DMXL2: variants seen among roughly 807,000 people sequenced by gnomAD.
The protein encoded by DMXL2 is Dmx like 2.
In DMXL2, 103 loss-of-function variants were observed where a neutral mutation model predicts 331.1. That is an observed-to-expected ratio of 0.31 (90% confidence interval 0.27 to 0.37). DMXL2 has a LOEUF of 0.37. Among genes scored for constraint, DMXL2 ranks in the 10% least tolerant of loss-of-function variants. DMXL2 has a pLI of 1.00. For missense variants in DMXL2, 3,171 were observed against 3,642.9 expected (o/e 0.87, Z 3.33); for synonymous variants, 1,281 against 1,252.1 (o/e 1.02, Z -0.49).
At chr15:51,585,021 A>T (rs1168865280) in intron 1 of DMXL2, among the ~76,000 whole-genome samples, 1 of 3,446 alleles carries the variant, frequency 2.9e-4, no homozygotes, top group African/African-American at 1.3e-3. Flanking sequence ...GCTTAAGGAG[A>T]TTTTGGGCTG....
chr15:51,517,274 G>T, intron 13 of DMXL2, 107 bp from the exon 14 acceptor site: 1 of 749,916 alleles, frequency 1.3e-6, no homozygotes, highest in Non-Finnish European at 2.3e-6. Context: ...TTCACTGATT[G>T]GCAATGGAAT....
chr15:51,453,475 T>C lies in DMXL2; in HGVS notation c.8696+75A>G, dbSNP rs1443182320. The C allele has an allele frequency of 6.2e-6, 7 of 1,122,290 alleles. No individual in the cohort carries two copies. The Admixed American group carries it at 8.0e-5, about 13-fold the overall frequency. The allele number at this position is 1,122,290 out of a possible 1,614,324, so 69.5% of individuals were successfully genotyped here. A position where few individuals can be genotyped will look rare whatever the true frequency, so the allele number is the denominator to read the frequency against. On this transcript the variant is annotated intron_variant, in intron 41 of 43. Transcript: ENST00000560891. ...GCCTAGAGTGGAAAAACCCTACTAATAGAAAAGTATTCTTGCTAAAGGTAT... is the reference window on the plus strand; with the variant it reads ...GCCTAGAGTGGAAAAACCCTACTAACAGAAAAGTATTCTTGCTAAAGGTAT...
chr15:51,619,445 T>C (rs2054494160), intron 1 of DMXL2, among the ~76,000 whole-genome samples: 2 of 152,220 alleles, frequency 1.3e-5, no homozygotes, highest in Non-Finnish European at 1.5e-5. Flanking sequence ...ATAGCTTACG[T>C]GATACCACTA....
rs752831736 is a variant in DMXL2 at position 51,464,758 on chromosome 15, T to A, written c.7725A>T (p.Thr2575=). ...FEGPPPNYIN[T]YPTDLSVGAG... Reference sequence around the variant, plus strand: ...CTCCCACTGAAAGGTCAGTTGGATATGTGTTGATATAGTTAGGGGGTGGAC... The same window carrying A: ...CTCCCACTGAAAGGTCAGTTGGATAAGTGTTGATATAGTTAGGGGGTGGAC... The change falls in exon 32 of 44, where the codon ACA becomes ACT. Residue 2575 remains threonine (T), a synonymous_variant. Coordinates refer to ENST00000560891, the MANE Select transcript of DMXL2 (RefSeq NM_001378457.1). 1.2e-6 allele frequency: 2 copies of A among 1,614,134 alleles called. No homozygotes were observed. The highest frequency in any genetic ancestry group is 1.7e-6 in the Non-Finnish European group (2 of 1,180,004).
At chr15:51,514,894 C>T (rs2046949174) in intron 14 of DMXL2, among the ~76,000 whole-genome samples, 1 of 151,730 alleles carries the variant, frequency 6.6e-6, no homozygotes, top group South Asian at 2.1e-4. Context: ...CAACCTTCAC[C>T]ACTTTGAGCC....
At chr15:51,550,234 A>T (rs1410886978) in intron 6 of DMXL2, among the ~76,000 whole-genome samples, 1 of 152,124 alleles carries the variant, frequency 6.6e-6, no homozygotes, top group East Asian at 1.9e-4. Context: ...ATCCCTTTAT[A>T]ATTAAAACCC....
chr15:51,481,246 T>C lies in DMXL2; in HGVS notation c.5860A>G (p.Asn1954Asp). The change falls in exon 24 of 44, where the codon AAT (asparagine) becomes GAT (aspartate). Residue 1954 changes from asparagine (N) to aspartate (D), a missense_variant. Around this residue, in one of 7 missense-constraint regions of DMXL2, gnomAD observed 244 missense variants for 251.4 expected, o/e 0.97. Transcript: ENST00000560891. ...CAGTCATACTGTGATGAAGTTACAT[T>C]TGACCATTCAATGCCAGAACTTCCA... ...GNGSSGIEWS[N>D]VTSSQYDWSQ... 1 of 1,613,972 alleles carries C rather than the reference T, an allele frequency of 6.2e-7. No homozygotes were observed. Among genetic ancestry groups the C allele is most frequent in the Non-Finnish European group, 8.5e-7 (1 of 1,179,928 alleles).
chr15:51,605,785 C>T (rs2053548896), intron 1 of DMXL2, among the ~76,000 whole-genome samples: 2 of 130,448 alleles, frequency 1.5e-5, no homozygotes, highest in African/African-American at 2.7e-5. Flanking sequence ...CCTCATGATC[C>T]ACCCGCCTCG....
intron 9 of DMXL2, among the ~76,000 whole-genome samples, chr15:51,538,711 A>T (rs2048418775): frequency 6.6e-6 from 1 of 152,220 alleles, no homozygotes; most frequent in Non-Finnish European, 1.5e-5. Flanking sequence ...GTTTGGGGAC[A>T]GGGGATGAAA....
At chr15:51,567,431 CA>C (rs1371024677) in intron 3 of DMXL2, 1 of 152,006 alleles carries the variant, frequency 6.6e-6, no homozygotes, top group Non-Finnish European at 1.5e-5. Flanking sequence ...ACATAGTAAA[CA>C]ATAAATAAAT....
chr15:51,502,387 A>G lies in DMXL2; in HGVS notation c.2992+419T>C, dbSNP rs543189943. On this transcript the variant is annotated intron_variant, in intron 17 of 43. Coordinates refer to ENST00000560891, the MANE Select transcript of DMXL2 (RefSeq NM_001378457.1). ...GCCCAGGCTGGAATGCAGTAGTGTG[A>G]TGTCAGCTCACTGCCGCCTCCACCT... is the stretch of plus-strand genomic sequence containing the variant. Among the ~76,000 whole-genome samples the G allele has an allele frequency of 5.4e-5, 8 of 149,390 alleles. No individual in the cohort carries two copies. The East Asian group carries it at 1.2e-3, about 23-fold the overall frequency.
chr15:51,606,080 A>C (rs1595728245), intron 1 of DMXL2, among the ~76,000 whole-genome samples: 1 of 152,202 alleles, frequency 6.6e-6, no homozygotes, highest in Admixed American at 6.5e-5. Context: ...AAAGTGCTCC[A>C]TCTGACAAAA....
At chr15:51,495,243 T>G in intron 18 of DMXL2, 109 bp from the exon 19 acceptor site, 1 of 628,940 alleles carries the variant, frequency 1.6e-6, no homozygotes. Context: ...ATAAAATACA[T>G]AAGTTTTAGT....
Position 51,486,127 on chromosome 15 carries a change from G to A in DMXL2, c.5428C>T (p.Arg1810Ter). 2 of 1,613,918 alleles carry A rather than the reference G, an allele frequency of 1.2e-6. No homozygotes were observed. Among genetic ancestry groups the A allele is most frequent in the Non-Finnish European group, 1.7e-6 (2 of 1,179,888 alleles). ...LAYWVMKDYT[R>*]ALDTLLEQTP... Reference sequence around the variant, plus strand: ...TGTTCCAGTAATGTGTCCAAGGCTCGGGTGTAATCTTTCATTACCCAATAG... The same window carrying A: ...TGTTCCAGTAATGTGTCCAAGGCTCAGGTGTAATCTTTCATTACCCAATAG... The change falls in exon 23 of 44, where the codon CGA (arginine) becomes TGA (stop). Residue 1810 changes from arginine (R) to a stop codon, truncating the protein, a stop_gained. Coordinates refer to ENST00000560891, the MANE Select transcript of DMXL2 (RefSeq NM_001378457.1). LOFTEE classifies it high-confidence loss of function.
At chr15:51,609,410 C>T (rs544095546) in intron 1 of DMXL2, among the ~76,000 whole-genome samples, 24 of 152,300 alleles carry the variant, frequency 1.6e-4, no homozygotes, top group African/African-American at 5.8e-4. Flanking sequence ...CATTCTACAA[C>T]GGACCCGGTC....
At chr15:51,469,072 T>C (rs1210880405) in intron 29 of DMXL2, among the ~76,000 whole-genome samples, 3 of 152,174 alleles carry the variant, frequency 2.0e-5, no homozygotes, top group African/African-American at 7.2e-5. Flanking sequence ...ACAAATCAAC[T>C]ATATAAAAAC....
intron 1 of DMXL2, among the ~76,000 whole-genome samples, chr15:51,608,486 T>C (rs923264350): frequency 6.6e-6 from 1 of 152,128 alleles, no homozygotes; most frequent in African/African-American, 2.4e-5. Context: ...CTAAGTAAAC[T>C]AAGGCAGAAA....
At position 51,448,865 on chromosome 15, in the gene DMXL2, T is replaced by C. The variant is rs1455760229; in HGVS notation, c.*119A>G. The C allele has an allele frequency of 1.0e-5, 11 of 1,050,802 alleles. No individual in the cohort carries two copies. Among genetic ancestry groups the C allele is most frequent in the Non-Finnish European group, 1.1e-5 (8 of 720,360 alleles). 65.1% of individuals were successfully genotyped at this position (1,050,802 alleles called of 1,614,324 possible). On this transcript the variant is annotated 3_prime_UTR_variant, in exon 44 of 44. Coordinates refer to ENST00000560891, the MANE Select transcript of DMXL2 (RefSeq NM_001378457.1). ...TAGATAATACTCAGCTTGGGTCATA[T>C]TCAAATTCTACACAGAGATTCTCTG...
intron 2 of DMXL2, among the ~76,000 whole-genome samples, chr15:51,570,265 C>A (rs191122844): frequency 3.3e-5 from 5 of 151,988 alleles, no homozygotes; most frequent in Non-Finnish European, 2.9e-5. Flanking sequence ...AACAAATGAA[C>A]AAATCCTTCA....
Sources: gnomAD v4.1 joint callset for allele counts (sites outside exome capture counted in the v4.1 genomes callset) on GRCh38, gnomAD v4.1.1 for gene constraint, gnomAD v4.1.1 regional missense constraint, MANE v1.5 for transcripts, NCBI Gene and HGNC (gene_info 2026-07-23, HGNC 2026-07-21) for gene names.